The following LRRIQ3 variants were observed in gnomAD, a reference collection of about 807,000 sequenced individuals.
The protein encoded by LRRIQ3 is leucine-rich repeat and IQ domain-containing protein 3.
A neutral mutation model predicts 59.3 loss-of-function variants in LRRIQ3; 75 were observed. That is an observed-to-expected ratio of 1.26 (90% confidence interval 1.05 to 1.53). The LOEUF is 1.53. Ranked by LOEUF, LRRIQ3 falls within the 40% of genes most tolerant of loss-of-function variation. The probability of loss-of-function intolerance (pLI) is 0.00; values close to 1 mark genes in which losing one functional copy is unlikely to be tolerated. For missense variants in LRRIQ3, 831 were observed against 710.0 expected (o/e 1.17, Z -1.94); for synonymous variants, 250 against 231.3 (o/e 1.08, Z -0.73).
intron 4 of LRRIQ3, among the ~76,000 whole-genome samples, chr1:74,133,692 C>T (rs1247676868): frequency 1.4e-5 from 2 of 143,340 alleles, no homozygotes; most frequent in African/African-American, 2.6e-5. Context: ...AAGGGAACAT[C>T]ACGTACTGGG....
At chr1:74,110,225 T>A (rs1646676289) in intron 4 of LRRIQ3, among the ~76,000 whole-genome samples, 1 of 151,876 alleles carries the variant, frequency 6.6e-6, no homozygotes, top group South Asian at 2.1e-4. Flanking sequence ...AAGGATGTAA[T>A]CTTTCATCAA....
At chr1:74,032,154 T>G (rs1313156313) in intron 7 of LRRIQ3, among the ~76,000 whole-genome samples, 1 of 151,964 alleles carries the variant, frequency 6.6e-6, no homozygotes, top group African/African-American at 2.4e-5. Context: ...ATATATTAAT[T>G]TAATTCAGAT....
In LRRIQ3 at chr1:74,041,361, C is replaced by T. The variant is rs772146933; in HGVS notation, c.1570G>A (p.Glu524Lys). Residue 524 changes from glutamate to lysine, a missense_variant, in exon 7 of 8, where the codon GAG becomes AAG. Glu to Lys is a moderately conservative substitution (Grantham distance 56). Coordinates refer to ENST00000354431, the MANE Select transcript of LRRIQ3 (RefSeq NM_001105659.2). ...AGTCCTCTGGTCAAAAGAGTGCGCT[C>T]ATTATTTAAGTTTTGAACTAATAAA... ...ERLLVQNLNNERTLLTRGLLK... is the reference protein window; with the variant it reads ...ERLLVQNLNNKRTLLTRGLLK... 4 of 1,613,734 alleles carry T rather than the reference C, an allele frequency of 2.5e-6. No homozygotes were observed. Among genetic ancestry groups the T allele is most frequent in the Non-Finnish European group, 3.4e-6 (4 of 1,179,902 alleles).
At chr1:74,120,807 C>T (rs1646844367) in intron 4 of LRRIQ3, among the ~76,000 whole-genome samples, 1 of 151,870 alleles carries the variant, frequency 6.6e-6, no homozygotes, top group South Asian at 2.1e-4. Flanking sequence ...TTTTCGGGCA[C>T]TCAATAACAT....
chr1:74,125,868 G>A (rs1460063266), intron 4 of LRRIQ3, among the ~76,000 whole-genome samples: 1 of 151,798 alleles, frequency 6.6e-6, no homozygotes, highest in African/African-American at 2.4e-5. Flanking sequence ...TGGCCTTGTA[G>A]AATGAGATTG....
At chr1:74,149,145 T>A (rs940702532) in intron 4 of LRRIQ3, among the ~76,000 whole-genome samples, 5 of 152,232 alleles carry the variant, frequency 3.3e-5, no homozygotes, top group Non-Finnish European at 5.9e-5. Context: ...TGAAATTTTC[T>A]TTCTTGTAAC....
At chr1:74,117,608 C>T (rs1450455428) in intron 4 of LRRIQ3, among the ~76,000 whole-genome samples, 1 of 151,940 alleles carries the variant, frequency 6.6e-6, no homozygotes, top group African/African-American at 2.4e-5. Flanking sequence ...TCTAGTAATA[C>T]TACACAAATT....
At chr1:74,074,831 C>T in intron 5 of LRRIQ3, 41 bp from the exon 6 acceptor site, 1 of 1,050,402 alleles carries the variant, frequency 9.5e-7, no homozygotes, top group East Asian at 3.0e-5. Context: ...GATAATATCT[C>T]ATGTGTTTTA....
At chr1:74,078,030 G>T (rs1646229018) in intron 5 of LRRIQ3, among the ~76,000 whole-genome samples, 1 of 151,722 alleles carries the variant, frequency 6.6e-6, no homozygotes, top group African/African-American at 2.4e-5. Flanking sequence ...CTTAGTAAAG[G>T]AATAATAATC....
chr1:74,118,898 G>C (rs776684344), intron 4 of LRRIQ3, among the ~76,000 whole-genome samples: 2 of 151,988 alleles, frequency 1.3e-5, no homozygotes, highest in Non-Finnish European at 2.9e-5. Context: ...AGAAATCTTG[G>C]TCTTTGTATT....
intron 5 of LRRIQ3, among the ~76,000 whole-genome samples, chr1:74,102,831 G>A (rs1472514939): frequency 3.3e-5 from 5 of 152,056 alleles, no homozygotes; most frequent in African/African-American, 1.2e-4. Flanking sequence ...CCCACTTGCT[G>A]CTTTTCAAAA....
chr1:74,033,456 A>C (rs1240315793), intron 7 of LRRIQ3, among the ~76,000 whole-genome samples: 1 of 151,982 alleles, frequency 6.6e-6, no homozygotes, highest in Non-Finnish European at 1.5e-5. Context: ...GGTGGAAGTA[A>C]AGGAAGAAAG....
intron 4 of LRRIQ3, among the ~76,000 whole-genome samples, chr1:74,110,049 G>C (rs1646672972): frequency 6.6e-6 from 1 of 151,310 alleles, no homozygotes; most frequent in African/African-American, 2.4e-5. Context: ...TTTTTGATTA[G>C]CCACACTAAA....
intron 4 of LRRIQ3, among the ~76,000 whole-genome samples, chr1:74,134,664 C>T (rs919555251): frequency 2.0e-5 from 3 of 151,442 alleles, no homozygotes; most frequent in Admixed American, 1.3e-4. Context: ...CTATATTTTA[C>T]TGAAATAAAG....
chr1:74,183,268 T>C, intron 2 of LRRIQ3, 168 bp downstream of exon 2: 2 of 485,314 alleles, frequency 4.1e-6, no homozygotes, highest in South Asian at 8.8e-5. Flanking sequence ...TACATCAAAG[T>C]GTCCGTATTT....
At chr1:74,148,675 G>A (rs925786831) in intron 4 of LRRIQ3, among the ~76,000 whole-genome samples, 1 of 152,150 alleles carries the variant, frequency 6.6e-6, no homozygotes, top group African/African-American at 2.4e-5. Context: ...GTGAGATAAC[G>A]TTAGATCCAT....
intron 7 of LRRIQ3, among the ~76,000 whole-genome samples, chr1:74,038,169 C>A (rs978509498): frequency 6.6e-6 from 1 of 152,196 alleles, no homozygotes; most frequent in Non-Finnish European, 1.5e-5. Context: ...GTATCCCCCA[C>A]AGCCCAACAC....
rs529596912 is a variant in LRRIQ3 at position 74,076,998 on chromosome 1, A to G, written c.868-2208T>C. Among the ~76,000 whole-genome samples, 10 of 152,104 alleles carry G rather than the reference A, an allele frequency of 6.6e-5. No individual in the cohort carries two copies. In the South Asian group the frequency reaches 8.3e-4, roughly 13 times the overall value. On this transcript the variant is annotated intron_variant, in intron 5 of 7. Coordinates refer to ENST00000354431, the MANE Select transcript of LRRIQ3 (RefSeq NM_001105659.2). ...TTGCCAAGGATAATTAAAATTTAAG[A>G]AGTCACAATACCAAAACATATTGTC...
At position 74,072,505 on chromosome 1, in the gene LRRIQ3, A is replaced by T. The variant is rs184197446; in HGVS notation, c.997+2156T>A. 2.3e-3 allele frequency among the ~76,000 whole-genome samples: 346 copies of T among 151,850 alleles called. 2 individuals are homozygous for T. The highest frequency in any genetic ancestry group is 5.7e-3 in the African/African-American group (236 of 41,500). On this transcript the variant is annotated intron_variant, in intron 6 of 7. Coordinates refer to ENST00000354431, the MANE Select transcript of LRRIQ3 (RefSeq NM_001105659.2). ...CTTTTGTGCTCATATATATATATATATTTTTTAATTGAGAGATTAATGTTT... is the reference window on the plus strand; with the variant it reads ...CTTTTGTGCTCATATATATATATATTTTTTTTAATTGAGAGATTAATGTTT...
Sources: allele counts gnomAD v4.1 joint callset (sites outside exome capture counted in the v4.1 genomes callset), GRCh38; gene constraint gnomAD v4.1.1; transcripts MANE v1.5; gene names NCBI Gene and HGNC (gene_info 2026-07-23, HGNC 2026-07-21).